The following OCIAD2 variants were observed in gnomAD, a reference collection of about 807,000 sequenced individuals.
OCIAD2 encodes OCIA domain-containing protein 2.
A neutral mutation model predicts 22.9 loss-of-function variants in OCIAD2; 29 were observed. The ratio of observed to expected loss-of-function variants is 1.27; its 90% CI spans 0.94 to 1.73. OCIAD2 has a LOEUF of 1.73. Among genes scored for constraint, OCIAD2 ranks in the 40% most tolerant of loss-of-function variants. OCIAD2 has a pLI of 0.00. For missense variants in OCIAD2, 189 were observed against 180.3 expected (o/e 1.05, Z -0.28); for synonymous variants, 67 against 60.2 (o/e 1.11, Z -0.52).
chr4:48,887,817 G>A (rs1211772098), intron 6 of OCIAD2, among the ~76,000 whole-genome samples: 2 of 152,140 alleles, frequency 1.3e-5, no homozygotes, highest in Admixed American at 6.6e-5. Context: ...ACTTGGCAAT[G>A]CGGGCTCTTT....
chr4:48,894,319 C>T (rs1781253853), intron 4 of OCIAD2, among the ~76,000 whole-genome samples: 3 of 151,886 alleles, frequency 2.0e-5, no homozygotes, highest in Admixed American at 6.6e-5. Flanking sequence ...GGTGAAACCC[C>T]GTCTCCACTA....
At chr4:48,899,052 G>A (rs1781362577) in intron 3 of OCIAD2, among the ~76,000 whole-genome samples, 1 of 152,126 alleles carries the variant, frequency 6.6e-6, no homozygotes, top group Non-Finnish European at 1.5e-5. Context: ...ATCCCATAAT[G>A]TATAAAGAAT....
chr4:48,901,690 C>T (rs574907053), intron 2 of OCIAD2, among the ~76,000 whole-genome samples: 1 of 152,110 alleles, frequency 6.6e-6, no homozygotes. Flanking sequence ...TATATATTGG[C>T]TCATTAATTT....
chr4:48,893,885 C>T (rs2109673276), intron 5 of OCIAD2, 121 bp downstream of exon 5: 1 of 443,208 alleles, frequency 2.3e-6, no homozygotes, highest in Non-Finnish European at 4.1e-6. Context: ...TTTCACCATG[C>T]TGCCCAGGCT....
chr4:48,894,505 C>T (rs1298535768), intron 4 of OCIAD2, among the ~76,000 whole-genome samples: 3 of 151,992 alleles, frequency 2.0e-5, no homozygotes, highest in African/African-American at 7.3e-5. Flanking sequence ...AAAAAAAGAT[C>T]TTAAAGGAGT....
intron 5 of OCIAD2, 117 bp from the exon 6 acceptor site, chr4:48,893,006 A>C: frequency 1.6e-6 from 1 of 613,928 alleles, no homozygotes. Flanking sequence ...AAATCAATGA[A>C]TGAAGACTCT....
Position 48,904,471 on chromosome 4 carries a change from T to C in OCIAD2, c.66+13A>G, listed in dbSNP as rs1560462396. ...CTCAATCAATGAATCGATCAATAAA[T>C]ATAAAAGTATACCTGCTTGCTTGGT... On this transcript the variant is annotated intron_variant, in intron 2 of 6. Coordinates refer to ENST00000508632, the MANE Select transcript of OCIAD2 (RefSeq NM_001014446.3). 2 of 1,611,266 alleles carry C rather than the reference T, an allele frequency of 1.2e-6. No homozygotes were observed. The highest frequency in any genetic ancestry group is 1.7e-6 in the Non-Finnish European group (2 of 1,177,362).
intron 2 of OCIAD2, among the ~76,000 whole-genome samples, chr4:48,903,731 C>T (rs574524940): frequency 5.3e-5 from 8 of 151,122 alleles, no homozygotes; most frequent in South Asian, 2.1e-4. Flanking sequence ...CTGCAAGCTC[C>T]GCCTCCTGGG....
Position 48,885,433 on chromosome 4 carries a change from T to G in OCIAD2, c.*51A>C, listed in dbSNP as rs185060173. 1.2e-4 allele frequency: 115 copies of G among 924,920 alleles called. No individual in the cohort carries two copies. In the African/African-American group the frequency reaches 1.7e-3, roughly 14 times the overall value. 57.3% of individuals were successfully genotyped at this position (924,920 alleles called of 1,614,324 possible). A position where few individuals can be genotyped will look rare whatever the true frequency, so the allele number is the denominator to read the frequency against. On this transcript the variant is annotated 3_prime_UTR_variant, in exon 7 of 7. Transcript: ENST00000508632. ...TTTAAAGTACACTTGAAATTTTAAA[T>G]GTGTACAAATTCAGAGGTTTAAAAA... is the stretch of plus-strand genomic sequence containing the variant.
chr4:48,896,706 C>T (rs1226888689), intron 4 of OCIAD2, among the ~76,000 whole-genome samples: 6 of 151,988 alleles, frequency 3.9e-5, no homozygotes, highest in Middle Eastern at 3.4e-3. Flanking sequence ...GGTCTAGTGG[C>T]GAGGATTGCT....
At chr4:48,892,211 C>T (rs1164978048) in intron 6 of OCIAD2, among the ~76,000 whole-genome samples, 1 of 152,186 alleles carries the variant, frequency 6.6e-6, no homozygotes, top group African/African-American at 2.4e-5. Context: ...CATTTCTATT[C>T]TTTACATCTC....
intron 2 of OCIAD2, among the ~76,000 whole-genome samples, chr4:48,900,797 T>C (rs1350641260): frequency 6.6e-6 from 1 of 152,168 alleles, no homozygotes; most frequent in Non-Finnish European, 1.5e-5. Flanking sequence ...TTTTGCCATG[T>C]TGCCCAGGCT....
intron 6 of OCIAD2, among the ~76,000 whole-genome samples, chr4:48,886,142 A>G (rs1249093867): frequency 1.3e-5 from 2 of 152,190 alleles, no homozygotes; most frequent in East Asian, 3.9e-4. Flanking sequence ...CTTTCTACAT[A>G]TGGCTAGCCA....
At chr4:48,894,553 G>A (rs1781260270) in intron 4 of OCIAD2, among the ~76,000 whole-genome samples, 1 of 152,108 alleles carries the variant, frequency 6.6e-6, no homozygotes, top group South Asian at 2.1e-4. Flanking sequence ...CTCCCAGATA[G>A]TCATTTTAGG....
rs761270630 is a variant in OCIAD2, at chr4:48,892,759, A to G, written c.383+13T>C. 3 of 1,339,534 alleles carry G rather than the reference A, an allele frequency of 2.2e-6. No individual in the cohort carries two copies. Among genetic ancestry groups the G allele is most frequent in the Non-Finnish European group, 2.1e-6 (2 of 947,690 alleles). The allele number at this position is 1,339,534 out of a possible 1,614,324, so 83.0% of individuals were successfully genotyped here. On this transcript the variant is annotated intron_variant, in intron 6 of 6. Coordinates refer to ENST00000508632, the MANE Select transcript of OCIAD2 (RefSeq NM_001014446.3). ...AATTACATTACAATCCCTCAACCAA[A>G]CAGATTACAAACCTGTTATGCTGTG...
chr4:48,903,752 T>C (rs1781467900), intron 2 of OCIAD2, among the ~76,000 whole-genome samples: 1 of 151,558 alleles, frequency 6.6e-6, no homozygotes. Context: ...TTCATGCCAT[T>C]CTCCTGCCTC....
chr4:48,890,572 G>A lies in OCIAD2; in HGVS notation c.383+2200C>T, dbSNP rs1389892871. On this transcript the variant is annotated intron_variant, in intron 6 of 6. Coordinates refer to ENST00000508632, the MANE Select transcript of OCIAD2 (RefSeq NM_001014446.3). ...ATACTTCCAGAATTTCTGGCTTATA[G>A]TTTGCCTAACTTGTCCCAGTTTCCT... Among the ~76,000 whole-genome samples the A allele has an allele frequency of 2.6e-5, 4 of 152,096 alleles. No homozygotes were observed. The East Asian group carries it at 5.8e-4, about 22-fold the overall frequency.
intron 2 of OCIAD2, among the ~76,000 whole-genome samples, chr4:48,902,179 T>C (rs1020241835): frequency 2.6e-5 from 4 of 152,230 alleles, no homozygotes; most frequent in Non-Finnish European, 4.4e-5. Flanking sequence ...TCCAAGGTTT[T>C]AGTGTTTTTC....
chr4:48,887,097 A>G (rs1178909219), intron 6 of OCIAD2, among the ~76,000 whole-genome samples: 2 of 152,118 alleles, frequency 1.3e-5, no homozygotes, highest in East Asian at 3.8e-4. Flanking sequence ...GTCAGTGATG[A>G]TGAGCATTTT....
Sources: allele counts gnomAD v4.1 joint callset (sites outside exome capture counted in the v4.1 genomes callset), GRCh38; gene constraint gnomAD v4.1.1; transcripts MANE v1.5; gene names NCBI Gene and HGNC (gene_info 2026-07-23, HGNC 2026-07-21).